Variants in NIBAN2 observed in about 807,000 individuals in gnomAD.
The protein encoded by NIBAN2 is niban apoptosis regulator 2, also known as protein Niban 2.
A neutral mutation model predicts 81.8 loss-of-function variants in NIBAN2; 36 were observed. That is an observed-to-expected ratio of 0.44 (90% confidence interval 0.34 to 0.58). The LOEUF is 0.58. Ranked by LOEUF, NIBAN2 falls within the 20% of genes least tolerant of loss-of-function variation. The pLI, the probability that NIBAN2 is intolerant of heterozygous loss-of-function variation, is 0.02. For synonymous variants in NIBAN2, 445 were observed against 441.6 expected (o/e 1.01, Z -0.10); for missense variants, 897 against 1,014.1 (o/e 0.88, Z 1.57).
At chr9:127,569,423 A>G (rs1837919677), upstream of NIBAN2, among the ~76,000 whole-genome samples, 1 of 151,674 alleles carries the variant, frequency 6.6e-6, no homozygotes, top group South Asian at 2.1e-4. Flanking sequence ...AGAGAAAGAG[A>G]CGGGGCTGGT....
chr9:127,539,501 TCCACTGGCC>T (rs1474922125), intron 1 of NIBAN2, among the ~76,000 whole-genome samples: 1 of 152,104 alleles, frequency 6.6e-6, no homozygotes, highest in Non-Finnish European at 1.5e-5. Context: ...GGTTTCCAGC[TCCACTGGCC>T]CCTGTCGGGT....
chr9:127,508,929 A>G lies in NIBAN2; in HGVS notation c.1317+47T>C, dbSNP rs750286261. ...ACCCCCTGGGCGAGGGGGCCTGTGGAAGGCAGTGGACAGGGTGTGGGGTGG... is the reference window on the plus strand; with the variant it reads ...ACCCCCTGGGCGAGGGGGCCTGTGGGAGGCAGTGGACAGGGTGTGGGGTGG... On this transcript the variant is annotated intron_variant, in intron 10 of 13. Coordinates refer to ENST00000373312, the MANE Select transcript of NIBAN2 (RefSeq NM_022833.4). The surrounding 1 kb of genome is among the most constrained non-coding windows in gnomAD (Gnocchi z 6.4). 2.5e-6 allele frequency: 4 copies of G among 1,608,050 alleles called. No homozygotes were observed. The highest frequency in any genetic ancestry group is 1.1e-5 in the South Asian group (1 of 90,880).
Position 127,568,848 on chromosome 9 carries a change from C to A in NIBAN2, c.27G>T (p.Leu9=). MGDVLSTH[L]DDARRQHIAE... ...CGATGTGCTGGCGCCGGGCGTCGTC[C>A]AGGTGCGTGGACAGCACGTCCCCCA... Residue 9 remains leucine (L), a synonymous_variant, in exon 1 of 14, where the codon CTG becomes CTT. Transcript: ENST00000373312. The A allele has an allele frequency of 7.3e-7, 1 of 1,371,836 alleles. No individual in the cohort carries two copies. The highest frequency in any genetic ancestry group is 9.5e-7 in the Non-Finnish European group (1 of 1,057,718). 85.0% of individuals were successfully genotyped at this position (1,371,836 alleles called of 1,614,324 possible). A position where few individuals can be genotyped will look rare whatever the true frequency, so the allele number is the denominator to read the frequency against.
chr9:127,530,154 C>T (rs1837150956), intron 2 of NIBAN2, among the ~76,000 whole-genome samples: 4 of 152,384 alleles, frequency 2.6e-5, no homozygotes, highest in Admixed American at 6.5e-5. Context: ...CAGATACGCA[C>T]CTGCCAGACA....
chr9:127,531,798 A>C lies in NIBAN2; in HGVS notation c.56-20T>G. On this transcript the variant is annotated intron_variant, in intron 1 of 13. Coordinates refer to ENST00000373312, the MANE Select transcript of NIBAN2 (RefSeq NM_022833.4). Reference sequence around the variant, plus strand: ...TTTTTTCTGGAAGAGAAGGACAAGCAGGAGCTTGAGGTCCTCAGGGATGCT... The same window carrying C: ...TTTTTTCTGGAAGAGAAGGACAAGCCGGAGCTTGAGGTCCTCAGGGATGCT... 1 of 1,613,924 alleles carries C rather than the reference A, an allele frequency of 6.2e-7. No individual in the cohort carries two copies. Among genetic ancestry groups the C allele is most frequent in the Non-Finnish European group, 8.5e-7 (1 of 1,179,834 alleles).
At chr9:127,509,772 C>CCCTTCCTCTCCTTCCCTCCTT (rs1836692603) in intron 9 of NIBAN2, 1 of 104,366 alleles carries the variant, frequency 9.6e-6, no homozygotes, top group Non-Finnish European at 2.0e-5. Flanking sequence ...CCTTCCCTCT[C>CCCTTCCTCTCCTTCCCTCCTT]CCCTCCTCTC....
chr9:127,527,372 G>C, intron 2 of NIBAN2, 50 bp from the exon 3 acceptor site: 1 of 1,551,486 alleles, frequency 6.4e-7, no homozygotes, highest in Non-Finnish European at 8.8e-7. Context: ...GGGGGGTGGT[G>C]CTCCCCATGA....
rs1564293375 is a variant in NIBAN2, at chr9:127,508,503, G to GTATAC, written c.1352_1353insGTATA (p.Leu452TyrfsTer28). On this transcript the variant is annotated frameshift_variant, in exon 11 of 14. Transcript: ENST00000373312. LOFTEE classifies it high-confidence loss of function. The surrounding 1 kb of genome is among the most constrained non-coding windows in gnomAD (Gnocchi z 6.4). ...GCCCCTTCCCCAGCTCCTGGTGCAG[G>GTATAC]AGGGTCTCGAACGTATACACGGCAT... The GTATAC allele has an allele frequency of 3.1e-6, 5 of 1,613,808 alleles. No homozygotes were observed. Among genetic ancestry groups the GTATAC allele is most frequent in the Non-Finnish European group, 3.4e-6 (4 of 1,179,982 alleles).
intron 1 of NIBAN2, among the ~76,000 whole-genome samples, chr9:127,567,535 T>G (rs1837879077): frequency 6.6e-6 from 1 of 152,200 alleles, no homozygotes; most frequent in Non-Finnish European, 1.5e-5. Context: ...CACAGTCACT[T>G]GGCAGATCTC....
intron 1 of NIBAN2, among the ~76,000 whole-genome samples, chr9:127,542,537 G>A (rs916011365): frequency 1.3e-5 from 2 of 152,228 alleles, no homozygotes; most frequent in South Asian, 2.1e-4. Flanking sequence ...CACACACCCC[G>A]GAGATTCCTC....
intron 1 of NIBAN2, among the ~76,000 whole-genome samples, chr9:127,575,715 A>G (rs1365036815): frequency 6.6e-6 from 1 of 151,754 alleles, no homozygotes; most frequent in Admixed American, 6.6e-5. Flanking sequence ...TTTTTAGTAG[A>G]GACAGGGTTT....
chr9:127,548,977 A>G (rs190093568), intron 1 of NIBAN2, among the ~76,000 whole-genome samples: 20 of 152,220 alleles, frequency 1.3e-4, no homozygotes, highest in Admixed American at 1.2e-3. Context: ...AGGCCTCATC[A>G]CTGGAGGTGT....
intron 3 of NIBAN2, among the ~76,000 whole-genome samples, chr9:127,526,123 C>T (rs887978993): frequency 2.5e-4 from 38 of 152,024 alleles, no homozygotes; most frequent in Admixed American, 8.5e-4. Context: ...CTTTACAGTC[C>T]GGGTGCAGTG....
chr9:127,554,553 T>C (rs888015162), intron 1 of NIBAN2, among the ~76,000 whole-genome samples: 17,736 of 134,958 alleles, frequency 0.13, 595 homozygotes, highest in African/African-American at 0.17. Context: ...TTTTTCTTTT[T>C]TTTTTTTTTT....
Position 127,505,497 on chromosome 9 carries a change from G to A in NIBAN2, c.*1348C>T, listed in dbSNP as rs1157523930. On this transcript the variant is annotated 3_prime_UTR_variant, in exon 14 of 14. Coordinates refer to ENST00000373312, the MANE Select transcript of NIBAN2 (RefSeq NM_022833.4). ...AAGAGATGCGCCAGAGACCAGGGCT[G>A]CGGCAGCTGGGGGTCCCTGAGTGCC... 6.5e-6 allele frequency: 1 copy of A among 152,776 alleles called. No individual in the cohort carries two copies. Among genetic ancestry groups the A allele is most frequent in the East Asian group, 1.9e-4 (1 of 5,198 alleles). The allele number at this position is 152,776 out of a possible 1,614,324, so 9.5% of individuals were successfully genotyped here.
Position 127,507,182 on chromosome 9 carries a change from A to G in NIBAN2, c.1904T>C (p.Phe635Ser). The part of the protein sequence containing the change: ...VVQDEEVGLP[F>S]EASPESPPPA... ...TGGTGGTGACTCAGGGCTAGCCTCA[A>G]AGGGCAGCCCCACCTCCTCATCCTG... The change falls in exon 14 of 14, where the codon TTT (phenylalanine) becomes TCT (serine). Residue 635 changes from phenylalanine (F) to serine (S), a missense_variant. By Grantham distance (155) the Phe-to-Ser change is radical. Coordinates refer to ENST00000373312, the MANE Select transcript of NIBAN2 (RefSeq NM_022833.4). The surrounding 1 kb of genome is among the most constrained non-coding windows in gnomAD (Gnocchi z 6.8). 6.2e-7 allele frequency: 1 copy of G among 1,612,526 alleles called. No individual in the cohort carries two copies. Among genetic ancestry groups the G allele is most frequent in the South Asian group, 1.1e-5 (1 of 90,962 alleles).
chr9:127,577,285 G>A (rs1016595310), intron 1 of NIBAN2, among the ~76,000 whole-genome samples: 3 of 152,108 alleles, frequency 2.0e-5, no homozygotes, highest in Non-Finnish European at 2.9e-5. Context: ...TGCAGCCTGG[G>A]TGACAGAGCG....
At chr9:127,572,499 A>G (rs531665812), upstream of NIBAN2, among the ~76,000 whole-genome samples, 1 of 152,282 alleles carries the variant, frequency 6.6e-6, no homozygotes, top group African/African-American at 2.4e-5. Context: ...ATAGGGTGAC[A>G]AGTGGGGTTG....
chr9:127,566,202 G>A (rs890269407), intron 1 of NIBAN2, among the ~76,000 whole-genome samples: 9 of 152,148 alleles, frequency 5.9e-5, no homozygotes, highest in Non-Finnish European at 1.0e-4. Flanking sequence ...CAGTCTGGGG[G>A]AGATTTGTGG....
Sources: allele counts gnomAD v4.1 joint callset (sites outside exome capture counted in the v4.1 genomes callset), GRCh38; gene constraint gnomAD v4.1.1; non-coding constraint Gnocchi (gnomAD v3.1); transcripts MANE v1.5; gene names NCBI Gene and HGNC (gene_info 2026-07-23, HGNC 2026-07-21).